The following SCRN3 variants were observed in gnomAD, a reference collection of about 807,000 sequenced individuals.
SCRN3 encodes secernin-3.
A neutral mutation model predicts 43.1 loss-of-function variants in SCRN3; 39 were observed. The observed-to-expected ratio is 0.91, with a 90% CI of 0.70 to 1.18. SCRN3 has a LOEUF of 1.18. Among genes scored for constraint, SCRN3 ranks in the 50% most tolerant of loss-of-function variants. The probability of loss-of-function intolerance (pLI) is 0.00; values close to 1 mark genes in which losing one functional copy is unlikely to be tolerated. For synonymous variants in SCRN3, 147 were observed against 163.1 expected (o/e 0.90, Z 0.75); for missense variants, 484 against 498.0 (o/e 0.97, Z 0.27).
chr2:174,400,081 C>G lies in SCRN3; in HGVS notation c.319C>G (p.Leu107Val). The G allele has an allele frequency of 6.3e-7, 1 of 1,581,268 alleles. No individual in the cohort carries two copies. The highest frequency in any genetic ancestry group is 8.6e-7 in the Non-Finnish European group (1 of 1,167,302). The change falls in exon 3 of 8, where the codon CTA becomes GTA. Residue 107 changes from leucine to valine, a missense_variant. Transcript: ENST00000272732. ...GREEVCDEEA[L>V]LGMDLVRLGL... is the part of the protein sequence containing the mutation. ...AGAAGAAGTTTGTGATGAAGAAGCA[C>G]TATTAGGAATGGACCTTGTCAGGTT...
intron 1 of SCRN3, 85 bp downstream of exon 1, chr2:174,395,902 A>T: frequency 8.4e-6 from 12 of 1,426,294 alleles, no homozygotes; most frequent in Non-Finnish European, 1.1e-5. Flanking sequence ...TGCTTGACCG[A>T]GGGGCTCCGG....
chr2:174,410,500 T>C (rs1286754494), intron 5 of SCRN3: 1 of 152,462 alleles, frequency 6.6e-6, no homozygotes, highest in Non-Finnish European at 1.5e-5. Flanking sequence ...ACCTATTTTT[T>C]GAGGTAAGTA....
At chr2:174,426,628 C>T (rs987470452) in intron 7 of SCRN3, among the ~76,000 whole-genome samples, 16 of 151,872 alleles carry the variant, frequency 1.1e-4, no homozygotes, top group African/African-American at 3.9e-4. Context: ...AAAAATTAGC[C>T]AGGCTTGGTG....
At chr2:174,409,387 C>A (rs1685817244) in intron 5 of SCRN3, among the ~76,000 whole-genome samples, 1 of 147,774 alleles carries the variant, frequency 6.8e-6, no homozygotes, top group South Asian at 2.2e-4. Flanking sequence ...TTTTTAACTT[C>A]TTTGCCTTTG....
intron 3 of SCRN3, 124 bp downstream of exon 3, chr2:174,400,227 G>T: frequency 1.5e-6 from 1 of 645,178 alleles, no homozygotes; most frequent in Non-Finnish European, 2.5e-6. Flanking sequence ...GTGTCAAAAT[G>T]GTTTAAAGTA....
intron 5 of SCRN3, among the ~76,000 whole-genome samples, chr2:174,405,999 T>G (rs1685681275): frequency 7.2e-6 from 1 of 138,618 alleles, no homozygotes; most frequent in Non-Finnish European, 1.6e-5. Context: ...GTGAAGAAAG[T>G]CATTGGTAGC....
In SCRN3 at chr2:174,422,249, G is replaced by T. The variant is rs985714510; in HGVS notation, c.755-636G>T. Among the ~76,000 whole-genome samples the T allele has an allele frequency of 1.3e-5, 2 of 151,986 alleles. 1 individual carries two copies. The highest frequency in any genetic ancestry group is 1.3e-4 in the Admixed American group (2 of 15,240). ...GAGACCAGCCTGGGCAACATAGCAAGACCCCCATCTCTACAGAAAAATTTT... is the reference window on the plus strand; with the variant it reads ...GAGACCAGCCTGGGCAACATAGCAATACCCCCATCTCTACAGAAAAATTTT... On this transcript the variant is annotated intron_variant, in intron 5 of 7. Coordinates refer to ENST00000272732, the MANE Select transcript of SCRN3 (RefSeq NM_024583.5).
At chr2:174,422,750 AGTTT>A (rs1686335058) in intron 5 of SCRN3, 131 bp from the exon 6 acceptor site, 3 of 524,258 alleles carry the variant, frequency 5.7e-6, no homozygotes, top group Non-Finnish European at 1.0e-5. Context: ...GTTGATACAA[AGTTT>A]GTTTATAGTC....
At position 174,399,991 on chromosome 2, in the gene SCRN3, T is replaced by TG. The variant is rs1326204105; in HGVS notation, c.235dup (p.Ala79GlyfsTer7). 1.9e-6 allele frequency: 3 copies of TG among 1,597,034 alleles called. No individual in the cohort carries two copies. Among genetic ancestry groups the TG allele is most frequent in the East Asian group, 2.3e-5 (1 of 43,330 alleles). On this transcript the variant is annotated frameshift_variant, in exon 3 of 8. Coordinates refer to ENST00000272732, the MANE Select transcript of SCRN3 (RefSeq NM_024583.5). LOFTEE classifies it high-confidence loss of function. ...TGTCCTGAGTCGCCCAGCGTGGTTGTGGGGGGCAGAAATGGGAGCCAATGA... is the reference window on the plus strand; with the variant it reads ...TGTCCTGAGTCGCCCAGCGTGGTTGTGGGGGGGCAGAAATGGGAGCCAATGA...
rs1398495121 is a variant in SCRN3 at position 174,415,530 on chromosome 2, C to T, written c.755-7355C>T. ...TTCTCCTTTTGCTTCCAAATAATTC[C>T]AGCAAAGTAAGCTTTATTTAGATTA... On this transcript the variant is annotated intron_variant, in intron 5 of 7. Coordinates refer to ENST00000272732, the MANE Select transcript of SCRN3 (RefSeq NM_024583.5). 3.3e-5 allele frequency among the ~76,000 whole-genome samples: 5 copies of T among 152,058 alleles called. No homozygotes were observed. In the East Asian group the frequency reaches 9.6e-4, roughly 29 times the overall value.
Position 174,428,047 on chromosome 2 carries a change from C to G in SCRN3, c.*152C>G, listed in dbSNP as rs1686551606. 2 of 481,090 alleles carry G rather than the reference C, an allele frequency of 4.2e-6. No homozygotes were observed. The highest frequency in any genetic ancestry group is 7.5e-6 in the Non-Finnish European group (2 of 268,436). The allele number at this position is 481,090 out of a possible 1,614,324, so 29.8% of individuals were successfully genotyped here. ...TTCAAGTGGTATCTTGACTATTAAA[C>G]TACGTATAGTGTTGCTGAAATAGAA... On this transcript the variant is annotated 3_prime_UTR_variant, in exon 8 of 8. Transcript: ENST00000272732.
At position 174,420,178 on chromosome 2, in the gene SCRN3, T is replaced by C. The variant is rs533483924; in HGVS notation, c.755-2707T>C. On this transcript the variant is annotated intron_variant, in intron 5 of 7. Coordinates refer to ENST00000272732, the MANE Select transcript of SCRN3 (RefSeq NM_024583.5). ...GCCTTAAAAGCTAAGCAGAGATTTT[T>C]TTTTGCAGTCTCACAAGGCCTTAGG... Among the ~76,000 whole-genome samples the C allele has an allele frequency of 7.2e-3, 1,097 of 152,182 alleles. 10 individuals carry two copies. The highest frequency in any genetic ancestry group is 0.025 in the African/African-American group (1,058 of 41,522).
intron 5 of SCRN3, among the ~76,000 whole-genome samples, chr2:174,421,740 T>C (rs1004290505): frequency 6.6e-6 from 1 of 152,220 alleles, no homozygotes; most frequent in African/African-American, 2.4e-5. Flanking sequence ...GTCACAGGCA[T>C]TTCTCCTAAA....
chr2:174,413,085 T>C (rs1363215384), intron 5 of SCRN3, among the ~76,000 whole-genome samples: 1 of 151,832 alleles, frequency 6.6e-6, no homozygotes, highest in Non-Finnish European at 1.5e-5. Context: ...TTGGTCAGGC[T>C]GGTCTTGAAC....
chr2:174,412,801 T>C (rs1170229486), intron 5 of SCRN3, among the ~76,000 whole-genome samples: 1 of 149,736 alleles, frequency 6.7e-6, no homozygotes, highest in Non-Finnish European at 1.5e-5. Flanking sequence ...CTAAACAGCA[T>C]ACCAAAGCCT....
intron 1 of SCRN3, 107 bp downstream of exon 1, chr2:174,395,924 A>T: frequency 7.1e-7 from 1 of 1,412,446 alleles, no homozygotes; most frequent in Non-Finnish European, 9.2e-7. Context: ...GCCCAGCTGC[A>T]CCGGCTGCGG....
chr2:174,403,646 A>C (rs953806531), intron 4 of SCRN3, among the ~76,000 whole-genome samples: 1 of 152,204 alleles, frequency 6.6e-6, no homozygotes, highest in African/African-American at 2.4e-5. Context: ...TTGAAATTAC[A>C]GTTATAGAAA....
At chr2:174,424,301 G>A (rs567088985) in intron 6 of SCRN3, among the ~76,000 whole-genome samples, 174 bp from the exon 7 acceptor site, 1 of 152,318 alleles carries the variant, frequency 6.6e-6, no homozygotes, top group South Asian at 2.1e-4. Flanking sequence ...CCCCAAAGGA[G>A]ATCCCAGTGT....
intron 5 of SCRN3, among the ~76,000 whole-genome samples, chr2:174,411,850 G>A (rs1232364181): frequency 6.6e-6 from 1 of 152,152 alleles, no homozygotes; most frequent in Non-Finnish European, 1.5e-5. Flanking sequence ...GAACCTGGGA[G>A]GCAGAGGTTG....
Sources: allele counts gnomAD v4.1 joint callset (sites outside exome capture counted in the v4.1 genomes callset), GRCh38; gene constraint gnomAD v4.1.1; transcripts MANE v1.5; gene names NCBI Gene and HGNC (gene_info 2026-07-23, HGNC 2026-07-21).